Variants in PLCB2 observed in about 807,000 individuals in gnomAD.
The protein encoded by PLCB2 is 1-phosphatidylinositol 4,5-bisphosphate phosphodiesterase beta-2.
Under a neutral mutation model 141.7 loss-of-function variants are expected in PLCB2, and 115 were observed. The observed-to-expected ratio is 0.81, with a 90% CI of 0.70 to 0.95. The LOEUF is 0.95. Among genes scored for constraint, PLCB2 ranks in the 40% least tolerant of loss-of-function variants. The probability of loss-of-function intolerance (pLI) is 0.00; values close to 1 mark genes in which losing one functional copy is unlikely to be tolerated. For missense variants in PLCB2, 1,403 were observed against 1,541.1 expected (o/e 0.91, Z 1.50); for synonymous variants, 603 against 595.6 (o/e 1.01, Z -0.18).
At chr15:40,290,966 G>C (rs1362263420) in intron 27 of PLCB2, 52 bp downstream of exon 27, 110 of 1,537,752 alleles carry the variant, frequency 7.2e-5, no homozygotes, top group Admixed American at 1.7e-4. Flanking sequence ...GGGTCCATGG[G>C]GGGTGGGGTC....
At chr15:40,307,555 G>A (rs768126628) in intron 1 of PLCB2, 34 bp downstream of exon 1, 1 of 1,387,776 alleles carries the variant, frequency 7.2e-7, no homozygotes, top group Non-Finnish European at 1.0e-6. Flanking sequence ...CCACCACCTG[G>A]TGCTCCAGCA....
chr15:40,289,955 GAGAGAGAGA>G, intron 30 of PLCB2, 61 bp downstream of exon 30: 10 of 773,128 alleles, frequency 1.3e-5, no homozygotes, highest in Middle Eastern at 2.5e-4. Context: ...GAGAGAGAGA[GAGAGAGAGA>G]GAGAGTGTGT....
In PLCB2 at chr15:40,292,940, T is replaced by C; in HGVS notation, c.2312A>G (p.Asn771Ser). 1.9e-6 allele frequency: 3 copies of C among 1,603,608 alleles called. No individual in the cohort carries two copies. The highest frequency in any genetic ancestry group is 2.6e-6 in the Non-Finnish European group (3 of 1,173,416). The change falls in exon 21 of 32, where the codon AAT becomes AGT. Residue 771 changes from asparagine to serine, a missense_variant. Around this residue, in one of 4 missense-constraint regions of PLCB2, gnomAD observed 975 missense variants for 1,141.1 expected, o/e 0.85. Transcript: ENST00000260402. ...KFLGHRIIPINALNSGYHHLC... is the reference protein window; with the variant it reads ...KFLGHRIIPISALNSGYHHLC... ...CCACTCCTTACCAGAATTTAGGGCA[T>C]TGATGGGGATGATGCGGTGTCCAAG... is the stretch of plus-strand genomic sequence containing the variant.
intron 29 of PLCB2, 52 bp from the exon 30 acceptor site, chr15:40,290,134 A>AGGGTAACATGAAGT (rs1409312356): frequency 1.8e-6 from 2 of 1,127,916 alleles, no homozygotes; most frequent in Non-Finnish European, 2.7e-6. Flanking sequence ...TAGGGAGAGT[A>AGGGTAACATGAAGT]GGGTAACATG....
chr15:40,296,743 C>G lies in PLCB2; in HGVS notation c.1486+3G>C, dbSNP rs371013049. 6.2e-7 allele frequency: 1 copy of G among 1,612,078 alleles called. No homozygotes were observed. Among genetic ancestry groups the G allele is most frequent in the Non-Finnish European group, 8.5e-7 (1 of 1,178,608 alleles). On this transcript the variant is annotated splice_donor_region_variant and intron_variant, in intron 14 of 31. Coordinates refer to ENST00000260402, the MANE Select transcript of PLCB2 (RefSeq NM_004573.3). Reference sequence around the variant, plus strand: ...CCCCCCACCATAGTCCTCCCCGACTCACCTGTGCCCTCACCTGCAGGGGCA... The same window carrying G: ...CCCCCCACCATAGTCCTCCCCGACTGACCTGTGCCCTCACCTGCAGGGGCA...
At chr15:40,307,539 C>G (rs370971880) in intron 1 of PLCB2, 50 bp downstream of exon 1, 6 of 1,220,312 alleles carry the variant, frequency 4.9e-6, no homozygotes, top group Admixed American at 2.0e-5. Flanking sequence ...CGTAGCAGCC[C>G]GGCCCCCACC....
chr15:40,302,219 C>T (rs756807846), intron 5 of PLCB2, 30 bp from the exon 6 acceptor site: 1 of 1,613,888 alleles, frequency 6.2e-7, no homozygotes, highest in Non-Finnish European at 8.5e-7. Context: ...CGTCAAGGCC[C>T]AGGGCTGGCA....
chr15:40,296,572 C>T lies in PLCB2; in HGVS notation c.1549G>A (p.Glu517Lys). ...TCTTCTTCATCCAGGTTTCCTGACT[C>T]CTCCTCCTCTTCCTCTTCCACCTCC... ...EEEVEEEEEE[E>K]SGNLDEEEIK... Residue 517 changes from glutamate (E) to lysine (K), a missense_variant, in exon 15 of 32, where the codon GAG (glutamate) becomes AAG (lysine). Physicochemically the swap from Glu to Lys is moderately conservative, Grantham distance 56. This residue lies in a region of PLCB2 where 975 missense variants were observed against 1,141.1 expected (regional missense o/e 0.85). Transcript: ENST00000260402. The T allele has an allele frequency of 6.2e-7, 1 of 1,613,198 alleles. No individual in the cohort carries two copies. The highest frequency in any genetic ancestry group is 8.5e-7 in the Non-Finnish European group (1 of 1,179,344).
chr15:40,307,309 A>G (rs950062933), intron 1 of PLCB2, among the ~76,000 whole-genome samples: 2 of 152,118 alleles, frequency 1.3e-5, no homozygotes, highest in Non-Finnish European at 2.9e-5. Flanking sequence ...GGGGGTTTGA[A>G]GGAGAAGAGA....
rs1406744844 is a variant in PLCB2, at chr15:40,293,645, G to A, written c.2141C>T (p.Pro714Leu). 1.2e-6 allele frequency: 2 copies of A among 1,614,074 alleles called. No homozygotes were observed. The highest frequency in any genetic ancestry group is 1.7e-6 in the Non-Finnish European group (2 of 1,179,998). ...CAGCTTAGTTCGATAGCGCCTCTTG[G>A]GGTCCCCAGGAAGGCCAAACAGCTC... ...EVELFGLPGD[P>L]KRRYRTKLSP... The change falls in exon 20 of 32, where the codon CCC becomes CTC. Residue 714 changes from proline to leucine, a missense_variant. Physicochemically the swap from Pro to Leu is moderately conservative, Grantham distance 98. Around this residue, in one of 4 missense-constraint regions of PLCB2, gnomAD observed 975 missense variants for 1,141.1 expected, o/e 0.85. Coordinates refer to ENST00000260402, the MANE Select transcript of PLCB2 (RefSeq NM_004573.3).
chr15:40,289,436 T>TGG, intron 30 of PLCB2, 78 bp from the exon 31 acceptor site: 2 of 1,065,572 alleles, frequency 1.9e-6, no homozygotes, highest in Non-Finnish European at 2.9e-6. Context: ...TAATCCCAGC[T>TGG]AACTAGTTGT....
Position 40,288,039 on chromosome 15 carries a change from C to T in PLCB2, c.*676G>A. 1 of 985,342 alleles carries T rather than the reference C, an allele frequency of 1.0e-6. No homozygotes were observed. Among genetic ancestry groups the T allele is most frequent in the South Asian group, 4.7e-5 (1 of 21,282 alleles). The allele number at this position is 985,342 out of a possible 1,614,324, so 61.0% of individuals were successfully genotyped here. A position where few individuals can be genotyped will look rare whatever the true frequency, so the allele number is the denominator to read the frequency against. On this transcript the variant is annotated 3_prime_UTR_variant, in exon 32 of 32. Transcript: ENST00000260402. ...AGGGGTACATGGTAGGAACTGCCTG[C>T]CCCCAGGCCTAGGAAGAGGGGTGAG...
Position 40,291,994 on chromosome 15 carries a change from C to T in PLCB2, c.2526+70G>A, listed in dbSNP as rs567710337. On this transcript the variant is annotated intron_variant, in intron 23 of 31. Transcript: ENST00000260402. ...CTCCCCGAGCCTGGGACTCGGCCCT[C>T]TCCCCAGCCTCTCCCATAAATAGGG... is the stretch of plus-strand genomic sequence containing the variant. 2.5e-6 allele frequency: 4 copies of T among 1,603,390 alleles called. No homozygotes were observed. In the South Asian group the frequency reaches 3.3e-5, roughly 13 times the overall value.
chr15:40,291,309 G>A lies in PLCB2; in HGVS notation c.2826C>T (p.Val942=). 2 of 1,549,884 alleles carry A rather than the reference G, an allele frequency of 1.3e-6. No homozygotes were observed. The highest frequency in any genetic ancestry group is 8.6e-7 in the Non-Finnish European group (1 of 1,156,392). The change falls in exon 26 of 32, where the codon GTC becomes GTT. Residue 942 remains valine (V), a synonymous_variant. Coordinates refer to ENST00000260402, the MANE Select transcript of PLCB2 (RefSeq NM_004573.3). ...AELGPPGVGG[V]GACKLGPGKG... ...TGCCGGGACCGAGCTTGCAGGCCCC[G>A]ACGCCCCCCACGCCCGGTGGCCCGA... is the stretch of plus-strand genomic sequence containing the variant.
In PLCB2 at chr15:40,291,317, C is replaced by T; in HGVS notation, c.2818G>A (p.Gly940Arg). 1.9e-6 allele frequency: 3 copies of T among 1,543,126 alleles called. No homozygotes were observed. The South Asian group carries it at 3.5e-5, about 18-fold the overall frequency. The change falls in exon 26 of 32, where the codon GGG becomes AGG. Residue 940 changes from glycine (G) to arginine (R), a missense_variant. Transcript: ENST00000260402. ...CCGAGCTTGCAGGCCCCGACGCCCC[C>T]CACGCCCGGTGGCCCGAGCTCCGCC... ...QLAELGPPGV[G>R]GVGACKLGPG...
intron 9 of PLCB2, 26 bp downstream of exon 9, chr15:40,298,772 G>A (rs755014408): frequency 5.6e-6 from 9 of 1,610,972 alleles, no homozygotes; most frequent in East Asian, 2.2e-5. Flanking sequence ...GGACCACAGG[G>A]GACAAGGGGT....
intron 7 of PLCB2, chr15:40,301,702 C>G: frequency 1.4e-6 from 1 of 703,948 alleles, no homozygotes; most frequent in Admixed American, 2.0e-5. Context: ...CCATCAACCA[C>G]AGCCCCAGCG....
intron 24 of PLCB2, 69 bp from the exon 25 acceptor site, chr15:40,291,719 A>ACCG (rs757096771): frequency 1.2e-6 from 2 of 1,604,378 alleles, no homozygotes; most frequent in Non-Finnish European, 1.7e-6. Context: ...CCTCCTCCAC[A>ACCG]CCGCCCCCTG....
In PLCB2 at chr15:40,294,417, A is replaced by G; in HGVS notation, c.1910T>C (p.Leu637Ser). 6.2e-7 allele frequency: 1 copy of G among 1,614,118 alleles called. No individual in the cohort carries two copies. Among genetic ancestry groups the G allele is most frequent in the Non-Finnish European group, 8.5e-7 (1 of 1,180,014 alleles). ...TACTGCCATGTTCTGCTGCATGGGC[A>G]AGTCTGGAGGGACAAGGACACTCAG... ...MVALNFQTMD[L>S]PMQQNMAVFE... is the part of the protein sequence containing the mutation. The change falls in exon 19 of 32, where the codon TTG becomes TCG. Residue 637 changes from leucine (L) to serine (S), a missense_variant. Coordinates refer to ENST00000260402, the MANE Select transcript of PLCB2 (RefSeq NM_004573.3).
Sources: gnomAD v4.1 joint callset for allele counts (sites outside exome capture counted in the v4.1 genomes callset) on GRCh38, gnomAD v4.1.1 for gene constraint, gnomAD v4.1.1 regional missense constraint, MANE v1.5 for transcripts, NCBI Gene and HGNC (gene_info 2026-07-23, HGNC 2026-07-21) for gene names.